Variants in AFM observed in about 807,000 individuals in gnomAD.
The protein encoded by AFM is afamin.
Under a neutral mutation model 68.7 loss-of-function variants are expected in AFM, and 82 were observed. The observed-to-expected ratio is 1.19, with a 90% CI of 1.00 to 1.43. The LOEUF is 1.43. Among genes scored for constraint, AFM ranks in the 40% most tolerant of loss-of-function variants. The pLI, the probability that AFM is intolerant of heterozygous loss-of-function variation, is 0.00. For synonymous variants in AFM, 250 were observed against 234.2 expected (o/e 1.07, Z -0.61); for missense variants, 772 against 701.8 (o/e 1.10, Z -1.13).
chr4:73,482,280 T>C (rs1322091699), intron 1 of AFM, among the ~76,000 whole-genome samples: 3 of 152,398 alleles, frequency 2.0e-5, no homozygotes, highest in Admixed American at 1.3e-4. Context: ...CAGAACCTAG[T>C]TCCTCCTTCA....
chr4:73,501,164 T>C (rs992321871), intron 12 of AFM, among the ~76,000 whole-genome samples: 3 of 152,142 alleles, frequency 2.0e-5, no homozygotes, highest in African/African-American at 7.2e-5. Context: ...TAGAATTTAC[T>C]AGAAAATAAG....
At chr4:73,501,137 C>T (rs1243113737) in intron 12 of AFM, among the ~76,000 whole-genome samples, 1 of 152,076 alleles carries the variant, frequency 6.6e-6, no homozygotes, top group Non-Finnish European at 1.5e-5. Context: ...CTATAAGTTA[C>T]TAGAATACTG....
intron 7 of AFM, among the ~76,000 whole-genome samples, chr4:73,490,186 T>TA (rs1263662766): frequency 2.3e-4 from 31 of 134,882 alleles, no homozygotes; most frequent in Non-Finnish European, 3.6e-4. Context: ...AAACCTTATT[T>TA]CAAAAAAAAA....
Position 73,492,204 on chromosome 4 carries a change from A to G in AFM, c.1058+118A>G, listed in dbSNP as rs1721092291. 4.4e-6 allele frequency: 4 copies of G among 915,174 alleles called. No homozygotes were observed. The South Asian group carries it at 4.8e-5, about 11-fold the overall frequency. The allele number at this position is 915,174 out of a possible 1,614,324, so 56.7% of individuals were successfully genotyped here. A position where few individuals can be genotyped will look rare whatever the true frequency, so the allele number is the denominator to read the frequency against. On this transcript the variant is annotated intron_variant, in intron 8 of 14. Coordinates refer to ENST00000226355, the MANE Select transcript of AFM (RefSeq NM_001133.2). ...CCGTTTATTTCACTAGGTATCATAT[A>G]ATTTTTTTTTAAATCATGGCTATAG...
chr4:73,485,873 A>G lies in AFM; in HGVS notation c.282A>G (p.Leu94=). Residue 94 remains leucine (L), a synonymous_variant, in exon 4 of 15, where the codon TTA becomes TTG. Transcript: ENST00000226355. The part of the protein sequence containing the change: ...PECSKLPNNV[L]QEKICAMEGL... ...TCTCTGTTGTATAGAATAATGTTTT[A>G]CAGGAAAAAATATGTGCTATGGAGG... 6.2e-7 allele frequency: 1 copy of G among 1,613,738 alleles called. No homozygotes were observed. The highest frequency in any genetic ancestry group is 8.5e-7 in the Non-Finnish European group (1 of 1,179,716).
At chr4:73,500,271 A>T (rs1721393168) in intron 12 of AFM, 44 bp downstream of exon 12, 3 of 1,498,082 alleles carry the variant, frequency 2.0e-6, no homozygotes, top group East Asian at 2.4e-5. Flanking sequence ...TGGTTTGAAG[A>T]CACACCATGT....
At chr4:73,485,716 A>C in intron 3 of AFM, 146 bp from the exon 4 acceptor site, 1 of 569,826 alleles carries the variant, frequency 1.8e-6, no homozygotes, top group Non-Finnish European at 3.0e-6. Flanking sequence ...GGAGAAGGGG[A>C]AGGGGAAGGG....
chr4:73,502,162 C>A (rs1185951573), intron 13 of AFM, among the ~76,000 whole-genome samples: 1 of 152,184 alleles, frequency 6.6e-6, no homozygotes, highest in Non-Finnish European at 1.5e-5. Context: ...AGTCATGCAA[C>A]TTAAACTGAA....
chr4:73,492,151 T>C (rs1721090779), intron 8 of AFM, 65 bp downstream of exon 8: 2 of 1,465,000 alleles, frequency 1.4e-6, no homozygotes, highest in South Asian at 2.5e-5. Flanking sequence ...TTGACTTTTG[T>C]TGCTAATTTA....
rs2149346800 is a variant in AFM, at chr4:73,499,159, A to G, written c.1335A>G (p.Glu445=). The change falls in exon 11 of 15, where the codon GAA becomes GAG. Residue 445 remains glutamate, a synonymous_variant. Coordinates refer to ENST00000226355, the MANE Select transcript of AFM (RefSeq NM_001133.2). ...LTKIAPQLST[E]ELVSLGEKMV... is the part of the protein sequence containing the mutation. ...AGATAGCTCCCCAACTCTCCACTGAAGAACTGGTGTCTCTTGGCGAGAAAA... is the reference window on the plus strand; with the variant it reads ...AGATAGCTCCCCAACTCTCCACTGAGGAACTGGTGTCTCTTGGCGAGAAAA... The G allele has an allele frequency of 6.2e-7, 1 of 1,613,500 alleles. No individual in the cohort carries two copies. The highest frequency in any genetic ancestry group is 2.2e-5 in the East Asian group (1 of 44,856).
intron 9 of AFM, among the ~76,000 whole-genome samples, chr4:73,496,831 A>T (rs1045394475): frequency 1.3e-5 from 2 of 152,178 alleles, no homozygotes; most frequent in African/African-American, 4.8e-5. Flanking sequence ...TAATAATTTG[A>T]CATTTTTTGA....
intron 3 of AFM, 100 bp from the exon 4 acceptor site, chr4:73,485,762 T>G: frequency 2.3e-6 from 2 of 872,966 alleles, no homozygotes; most frequent in East Asian, 2.7e-5. Flanking sequence ...AGGAGCTCTG[T>G]TGGTAATGGT....
At chr4:73,492,196 TATC>T (rs1320166122) in intron 8 of AFM, 110 bp downstream of exon 8, 27 of 959,154 alleles carry the variant, frequency 2.8e-5, no homozygotes, top group Non-Finnish European at 4.1e-5. Context: ...TTTCACTAGG[TATC>T]ATATAATTTT....
intron 12 of AFM, 61 bp downstream of exon 12, chr4:73,500,288 GAGA>G (rs1721393514): frequency 2.1e-6 from 3 of 1,415,756 alleles, no homozygotes; most frequent in Middle Eastern, 2.0e-4. Flanking sequence ...ATGTATTAGT[GAGA>G]AGGTTTATCT....
chr4:73,488,625 T>C lies in AFM; in HGVS notation c.714-5T>C. 1 of 1,602,094 alleles carries C rather than the reference T, an allele frequency of 6.2e-7. No homozygotes were observed. Among genetic ancestry groups the C allele is most frequent in the African/African-American group, 1.3e-5 (1 of 74,388 alleles). On this transcript the variant is annotated splice_polypyrimidine_tract_variant and splice_region_variant and intron_variant, in intron 6 of 14. Transcript: ENST00000226355. ...ATTTTTGTGGTTTATCAATTCTCTT[T>C]CCAGATATATTGCGATACTCAGTCA...
chr4:73,485,773 G>A, intron 3 of AFM, 89 bp from the exon 4 acceptor site: 1 of 1,030,658 alleles, frequency 9.7e-7, no homozygotes, highest in South Asian at 1.5e-5. Flanking sequence ...TGGTAATGGT[G>A]GGAAAATTAG....
At chr4:73,490,533 C>T (rs1012770033) in intron 7 of AFM, among the ~76,000 whole-genome samples, 1 of 152,142 alleles carries the variant, frequency 6.6e-6, no homozygotes. Flanking sequence ...CATTCTCCTG[C>T]CTCAGCCTCC....
At position 73,498,242 on chromosome 4, in the gene AFM, A is replaced by T. The variant is rs577118027; in HGVS notation, c.1289+493A>T. 1.6e-3 allele frequency among the ~76,000 whole-genome samples: 237 copies of T among 151,852 alleles called. 1 individual carries two copies. The highest frequency in any genetic ancestry group is 5.2e-3 in the African/African-American group (214 of 41,446). On this transcript the variant is annotated intron_variant, in intron 10 of 14. Coordinates refer to ENST00000226355, the MANE Select transcript of AFM (RefSeq NM_001133.2). ...TATGCAGTTTGGGTTTTTTTCAATT[A>T]TTATGTCAATGTATTTTATTATCAT...
At chr4:73,484,734 G>A (rs1447308614) in intron 3 of AFM, among the ~76,000 whole-genome samples, 1 of 151,682 alleles carries the variant, frequency 6.6e-6, no homozygotes, top group Admixed American at 6.6e-5. Flanking sequence ...ATGAGGTTTT[G>A]CCATGTTGAC....
Sources: allele counts gnomAD v4.1 joint callset (sites outside exome capture counted in the v4.1 genomes callset), GRCh38; gene constraint gnomAD v4.1.1; transcripts MANE v1.5; gene names NCBI Gene and HGNC (gene_info 2026-07-23, HGNC 2026-07-21).